Variants in CDRT4 observed in about 807,000 individuals in gnomAD.
CDRT4 encodes the protein CMT1A duplicated region transcript 4 protein.
For synonymous variants in CDRT4, 64 were observed against 69.6 expected (o/e 0.92, Z 0.40); for missense variants, 167 against 193.1 (o/e 0.87, Z 0.80).
intron 1 of CDRT4, among the ~76,000 whole-genome samples, chr17:15,463,538 C>T (rs1979853814): frequency 6.6e-6 from 1 of 152,190 alleles, no homozygotes; most frequent in Admixed American, 6.5e-5. Context: ...CAGGCCTGAC[C>T]TGCTACAAAT....
intron 1 of CDRT4, among the ~76,000 whole-genome samples, chr17:15,466,934 T>C (rs1980067291): frequency 1.3e-5 from 2 of 152,256 alleles, no homozygotes; most frequent in African/African-American, 4.8e-5. Flanking sequence ...TAGGTTTCTA[T>C]AGGTGCTTAA....
intron 1 of CDRT4, among the ~76,000 whole-genome samples, chr17:15,463,132 C>T (rs1271142768): frequency 6.6e-6 from 1 of 152,050 alleles, no homozygotes; most frequent in African/African-American, 2.4e-5. Context: ...CCATTCTCTT[C>T]AGCATCAGTC....
At chr17:15,454,104 AGG>A (rs1203332955) in intron 1 of CDRT4, among the ~76,000 whole-genome samples, 1 of 152,204 alleles carries the variant, frequency 6.6e-6, no homozygotes, top group African/African-American at 2.4e-5. Context: ...GTTGAAGATC[AGG>A]GAAGGGACTG....
intron 2 of CDRT4, among the ~76,000 whole-genome samples, chr17:15,452,141 T>C (rs1356226085): frequency 1.3e-5 from 2 of 152,196 alleles, no homozygotes; most frequent in Admixed American, 6.5e-5. Context: ...GACGTTATCC[T>C]GAAAAATATG....
At chr17:15,448,978 G>A (rs536084552) in intron 2 of CDRT4, among the ~76,000 whole-genome samples, 6 of 152,236 alleles carry the variant, frequency 3.9e-5, no homozygotes, top group South Asian at 4.2e-4. Context: ...TCCACCACCC[G>A]TGCCTCTGTG....
chr17:15,442,682 G>A (rs963970708), intron 2 of CDRT4, among the ~76,000 whole-genome samples: 8 of 152,154 alleles, frequency 5.3e-5, no homozygotes, highest in African/African-American at 1.9e-4. Context: ...CCCTACAGCT[G>A]TGCCGTGTGG....
chr17:15,439,180 C>T (rs574313828), intron 3 of CDRT4: 30 of 456,020 alleles, frequency 6.6e-5, no homozygotes, highest in African/African-American at 2.0e-4. Flanking sequence ...TGCATTCTTT[C>T]CCTAATTCTA....
intron 1 of CDRT4, among the ~76,000 whole-genome samples, chr17:15,459,887 G>A (rs1979671224): frequency 6.6e-6 from 1 of 151,948 alleles, no homozygotes; most frequent in Non-Finnish European, 1.5e-5. Flanking sequence ...GTTGGCAAGG[G>A]AGCCAGCAGG....
At chr17:15,466,697 G>A (rs947279067) in intron 1 of CDRT4, among the ~76,000 whole-genome samples, 1 of 151,994 alleles carries the variant, frequency 6.6e-6, no homozygotes, top group Non-Finnish European at 1.5e-5. Context: ...CAGAGTAGCT[G>A]GGACTACAGG....
intron 1 of CDRT4, among the ~76,000 whole-genome samples, chr17:15,461,566 C>T (rs1010387959): frequency 2.6e-5 from 4 of 152,166 alleles, no homozygotes; most frequent in African/African-American, 9.7e-5. Flanking sequence ...GGGTCTCATG[C>T]CCAGAGTTTC....
chr17:15,461,220 C>T (rs1219738309), intron 1 of CDRT4, among the ~76,000 whole-genome samples: 5 of 152,206 alleles, frequency 3.3e-5, no homozygotes, highest in Non-Finnish European at 7.3e-5. Context: ...AGGAACTGTT[C>T]TGTCTTTTCT....
chr17:15,447,170 T>C (rs1979064961), intron 2 of CDRT4, among the ~76,000 whole-genome samples: 1 of 152,158 alleles, frequency 6.6e-6, no homozygotes, highest in Non-Finnish European at 1.5e-5. Context: ...TCCCAGTACA[T>C]AGGACAATAC....
intron 1 of CDRT4, among the ~76,000 whole-genome samples, chr17:15,454,004 A>G (rs1032587415): frequency 6.6e-6 from 1 of 152,164 alleles, no homozygotes; most frequent in Admixed American, 6.5e-5. Flanking sequence ...CAGGATGGCA[A>G]TGTCTGCTGC....
intron 3 of CDRT4, among the ~76,000 whole-genome samples, chr17:15,438,635 C>T (rs1162973025): frequency 6.6e-6 from 1 of 152,182 alleles, no homozygotes; most frequent in Non-Finnish European, 1.5e-5. Flanking sequence ...CTCTTCATAG[C>T]TGTGAACCTT....
intron 2 of CDRT4, among the ~76,000 whole-genome samples, chr17:15,440,803 A>G (rs1223025731): frequency 1.3e-5 from 2 of 152,172 alleles, no homozygotes; most frequent in Non-Finnish European, 2.9e-5. Flanking sequence ...CTAATGCTCT[A>G]TGCAACCATG....
intron 2 of CDRT4, among the ~76,000 whole-genome samples, chr17:15,441,382 TG>T (rs1304155275): frequency 1.3e-5 from 2 of 152,246 alleles, no homozygotes; most frequent in African/African-American, 4.8e-5. Context: ...TTTGAGGACC[TG>T]AGAATCTGCA....
chr17:15,465,379 C>T (rs1979981629), intron 1 of CDRT4, among the ~76,000 whole-genome samples: 1 of 149,460 alleles, frequency 6.7e-6, no homozygotes, highest in Non-Finnish European at 1.5e-5. Context: ...CACAGACACA[C>T]ATAACACACA....
intron 2 of CDRT4, among the ~76,000 whole-genome samples, chr17:15,440,822 A>T (rs1424567756): frequency 2.0e-5 from 3 of 152,058 alleles, no homozygotes; most frequent in Non-Finnish European, 1.5e-5. Flanking sequence ...TGCAGGGGGG[A>T]AATCTGATGG....
chr17:15,459,066 G>C (rs1166912726), intron 1 of CDRT4, among the ~76,000 whole-genome samples: 1 of 152,196 alleles, frequency 6.6e-6, no homozygotes, highest in South Asian at 2.1e-4. Context: ...CAGAAATGGC[G>C]TGAGGGCTCC....
Sources: allele counts gnomAD v4.1 joint callset (sites outside exome capture counted in the v4.1 genomes callset), GRCh38; gene constraint gnomAD v4.1.1; transcripts MANE v1.5; gene names NCBI Gene and HGNC (gene_info 2026-07-23, HGNC 2026-07-21).